Variants in B3GALT2 observed in about 807,000 individuals in gnomAD.
B3GALT2 encodes the protein beta-1,3-galactosyltransferase 2.
In B3GALT2, 13 loss-of-function variants were observed where a neutral mutation model predicts 33.5. The ratio of observed to expected loss-of-function variants is 0.39; its 90% confidence interval spans 0.25 to 0.62. The LOEUF (loss-of-function observed/expected upper bound fraction) is 0.62, where lower values mean the gene tolerates loss of function less well. Among genes scored for constraint, B3GALT2 ranks in the 20% least tolerant of loss-of-function variants. The probability of loss-of-function intolerance (pLI) is 0.53; values close to 1 mark genes in which losing one functional copy is unlikely to be tolerated. For missense variants in B3GALT2, 418 were observed against 509.1 expected, an observed-to-expected ratio of 0.82 and a Z score of 1.72; for synonymous variants, 195 against 172.7, an observed-to-expected ratio of 1.13 and a Z score of -1.01.
chr1:193,180,274 T>G lies in B3GALT2; in HGVS notation c.*20A>C. The G allele has an allele frequency of 6.5e-7, 1 of 1,530,900 alleles. No individual in the cohort carries two copies. Among genetic ancestry groups the G allele is most frequent in the Non-Finnish European group, 8.8e-7 (1 of 1,140,320 alleles). 94.8% of individuals were successfully genotyped at this position (1,530,900 alleles called of 1,614,324 possible). Reference sequence around the variant, plus strand: ...TTAGCAATATTTACAAATTGCACATTTGAAAAAAAATTGTCTTTTCTAATG... The same window carrying G: ...TTAGCAATATTTACAAATTGCACATGTGAAAAAAAATTGTCTTTTCTAATG... On this transcript the variant is annotated 3_prime_UTR_variant, in exon 2 of 2. Coordinates refer to ENST00000367434, the MANE Select transcript of B3GALT2 (RefSeq NM_003783.3).
intron 1 of B3GALT2, 114 bp downstream of exon 1, chr1:193,185,905 T>A (rs1676798557): frequency 6.6e-6 from 1 of 152,168 alleles, no homozygotes; most frequent in Non-Finnish European, 1.5e-5. Flanking sequence ...AGAAACCTTT[T>A]CATAGTTTCA....
chr1:193,185,468 T>C (rs1204525413), intron 1 of B3GALT2, among the ~76,000 whole-genome samples: 2 of 152,218 alleles, frequency 1.3e-5, no homozygotes, highest in East Asian at 3.9e-4. Flanking sequence ...GATACTCTCT[T>C]TGGTTGTGTT....
In B3GALT2 at chr1:193,180,548, A is replaced by G. The variant is rs143140528; in HGVS notation, c.1015T>C (p.Leu339=). ...CAGATCCCTACATATACATCTTCCA[A>G]GTGCAAACGGCGGATACCTAAAGAA... ...KVSLGIRRLH[L]EDVYVGICLA... The change falls in exon 2 of 2, where the codon TTG becomes CTG. Residue 339 remains leucine (L), a synonymous_variant. Coordinates refer to ENST00000367434, the MANE Select transcript of B3GALT2 (RefSeq NM_003783.3). 16 of 1,614,166 alleles carry G rather than the reference A, an allele frequency of 9.9e-6. No homozygotes were observed. In the East Asian group the frequency reaches 2.7e-4, roughly 27 times the overall value.
At chr1:193,183,765 A>G (rs1307014193) in intron 1 of B3GALT2, among the ~76,000 whole-genome samples, 2 of 151,906 alleles carry the variant, frequency 1.3e-5, no homozygotes, top group Non-Finnish European at 2.9e-5. Context: ...AATTTATTTG[A>G]TAATCTGTTC....
Position 193,180,237 on chromosome 1 carries a change from C to G in B3GALT2, c.*57G>C. ...GTCCTACGGATGTAATCAGTTCTAA[C>G]TATACATGCTTTTAGCAATATTTAC... is the stretch of plus-strand genomic sequence containing the variant. On this transcript the variant is annotated 3_prime_UTR_variant, in exon 2 of 2. Coordinates refer to ENST00000367434, the MANE Select transcript of B3GALT2 (RefSeq NM_003783.3). 6.9e-7 allele frequency: 1 copy of G among 1,456,330 alleles called. No homozygotes were observed. Among genetic ancestry groups the G allele is most frequent in the African/African-American group, 1.4e-5 (1 of 70,494 alleles). The allele number at this position is 1,456,330 out of a possible 1,614,324, so 90.2% of individuals were successfully genotyped here.
chr1:193,181,685 A>G lies in B3GALT2; in HGVS notation c.-120-3T>C, dbSNP rs1443696085. ...ACATTGTCTCTCTTGTAGTCATTCT[A>G]TAAAAATGAAGCACAAAAGTTTACA... is the stretch of plus-strand genomic sequence containing the variant. On this transcript the variant is annotated splice_region_variant and splice_polypyrimidine_tract_variant and intron_variant, in intron 1 of 1. Transcript: ENST00000367434. The G allele has an allele frequency of 2.1e-6, 2 of 972,790 alleles. No individual in the cohort carries two copies. The highest frequency in any genetic ancestry group is 1.7e-5 in the African/African-American group (1 of 60,082). 60.3% of individuals were successfully genotyped at this position (972,790 alleles called of 1,614,324 possible). A position where few individuals can be genotyped will look rare whatever the true frequency, so the allele number is the denominator to read the frequency against.
In B3GALT2 at chr1:193,180,654, G is replaced by A. The variant is rs1349540875; in HGVS notation, c.909C>T (p.Tyr303=). 2.5e-6 allele frequency: 4 copies of A among 1,614,090 alleles called. No individual in the cohort carries two copies. The highest frequency in any genetic ancestry group is 1.1e-5 in the South Asian group (1 of 91,072). ...DSKWYMPPDL[Y]PSERYPVFCS... is the part of the protein sequence containing the mutation. ...AGAAGACAGGATAACGCTCACTTGG[G>A]TAGAGGTCTGGTGGCATGTACCACT... Residue 303 remains tyrosine, a synonymous_variant, in exon 2 of 2, where the codon TAC becomes TAT. Transcript: ENST00000367434.
At chr1:193,184,176 T>C (rs1676767011) in intron 1 of B3GALT2, among the ~76,000 whole-genome samples, 1 of 151,896 alleles carries the variant, frequency 6.6e-6, no homozygotes. Context: ...GCTGTTGAGA[T>C]ATTAAATCCA....
chr1:193,181,427 G>A lies in B3GALT2; in HGVS notation c.136C>T (p.His46Tyr). Reference protein sequence around the residue: ...LFAMFLFFNHHDWLPGRAGFK... With the variant: ...LFAMFLFFNHYDWLPGRAGFK... ...CCAGCTCTGCCTGGCAGCCAGTCAT[G>A]ATGATTGAAAAACAAAAACATAGCA... Residue 46 changes from histidine (H) to tyrosine (Y), a missense_variant, in exon 2 of 2, where the codon CAT becomes TAT. His to Tyr is a moderately conservative substitution (Grantham distance 83, BLOSUM62 2). Coordinates refer to ENST00000367434, the MANE Select transcript of B3GALT2 (RefSeq NM_003783.3). The A allele has an allele frequency of 6.2e-7, 1 of 1,614,072 alleles. No homozygotes were observed. The highest frequency in any genetic ancestry group is 8.5e-7 in the Non-Finnish European group (1 of 1,179,940).
At position 193,180,313 on chromosome 1, in the gene B3GALT2, C is replaced by CTAT. The variant is rs771681605; in HGVS notation, c.1249_1250insATA (p.Arg417delinsHisSer). The CTAT allele has an allele frequency of 6.3e-7, 1 of 1,578,780 alleles. No individual in the cohort carries two copies. The highest frequency in any genetic ancestry group is 1.2e-5 in the South Asian group (1 of 85,718). ...TCTTTTCTAATGTAGTTTACGGTGGCGATACCTGCCTGCCTTTTCTTTTGC... is the reference window on the plus strand; with the variant it reads ...TCTTTTCTAATGTAGTTTACGGTGGCTATGATACCTGCCTGCCTTTTCTTTTGC... On this transcript the variant is annotated protein_altering_variant, in exon 2 of 2. Transcript: ENST00000367434.
Position 193,186,105 on chromosome 1 carries a change from A to G in B3GALT2, c.-207T>C, listed in dbSNP as rs906834560. 2.6e-5 allele frequency: 4 copies of G among 153,046 alleles called. No individual in the cohort carries two copies. The highest frequency in any genetic ancestry group is 9.7e-5 in the African/African-American group (4 of 41,428). The allele number at this position is 153,046 out of a possible 1,614,324, so 9.5% of individuals were successfully genotyped here. A position where few individuals can be genotyped will look rare whatever the true frequency, so the allele number is the denominator to read the frequency against. ...CCATCACTTCAGCAAAAAAGATGCT[A>G]TCGAACATGCGCACATCCCCCAACA... On this transcript the variant is annotated 5_prime_UTR_variant, in exon 1 of 2. It removes the in-frame stop codon of an upstream open reading frame in the 5' UTR. Transcript: ENST00000367434.
rs1189122528 is a variant in B3GALT2, at chr1:193,186,003, C to G, written c.-121+16G>C. ...AACACATTTAAATGACTATCATACACAAGATATTGACATACCTTCCTTGGT... is the reference window on the plus strand; with the variant it reads ...AACACATTTAAATGACTATCATACAGAAGATATTGACATACCTTCCTTGGT... On this transcript the variant is annotated intron_variant, in intron 1 of 1. Transcript: ENST00000367434. 1 of 152,272 alleles carries G rather than the reference C, an allele frequency of 6.6e-6. No homozygotes were observed. Among genetic ancestry groups the G allele is most frequent in the Admixed American group, 6.5e-5 (1 of 15,270 alleles). 9.4% of individuals were successfully genotyped at this position (152,272 alleles called of 1,614,324 possible). A position where few individuals can be genotyped will look rare whatever the true frequency, so the allele number is the denominator to read the frequency against.
rs1249288085 is a variant in B3GALT2, at chr1:193,180,208, A to G, written c.*86T>C. The stretch of plus-strand genomic sequence containing the variant: ...CTTTATGTGATGAGTTTTAACTAAA[A>G]CTTGTCCTACGGATGTAATCAGTTC... On this transcript the variant is annotated 3_prime_UTR_variant, in exon 2 of 2. Coordinates refer to ENST00000367434, the MANE Select transcript of B3GALT2 (RefSeq NM_003783.3). 1 of 1,218,702 alleles carries G rather than the reference A, an allele frequency of 8.2e-7. No individual in the cohort carries two copies. Among genetic ancestry groups the G allele is most frequent in the Non-Finnish European group, 1.1e-6 (1 of 905,106 alleles). 75.5% of individuals were successfully genotyped at this position (1,218,702 alleles called of 1,614,324 possible).
Position 193,180,161 on chromosome 1 carries a change from TA to T in B3GALT2, c.*132del. On this transcript the variant is annotated 3_prime_UTR_variant, in exon 2 of 2. Coordinates refer to ENST00000367434, the MANE Select transcript of B3GALT2 (RefSeq NM_003783.3). Reference sequence around the variant, plus strand: ...TTTAAGAATTAACTTCTTCAGAAATTAAAAAAATACTTCTTGAATTTCTTTA... The same window carrying T: ...TTTAAGAATTAACTTCTTCAGAAATTAAAAAATACTTCTTGAATTTCTTTA... 2 of 800,670 alleles carry T rather than the reference TA, an allele frequency of 2.5e-6. No individual in the cohort carries two copies. The highest frequency in any genetic ancestry group is 1.8e-6 in the Non-Finnish European group (1 of 560,050). 49.6% of individuals were successfully genotyped at this position (800,670 alleles called of 1,614,324 possible).
intron 1 of B3GALT2, among the ~76,000 whole-genome samples, chr1:193,184,432 T>G (rs905485312): frequency 1.3e-5 from 2 of 151,938 alleles, no homozygotes; most frequent in Non-Finnish European, 2.9e-5. Flanking sequence ...TTCTGCACTT[T>G]TACATTTTTA....
chr1:193,180,508 C>A lies in B3GALT2; in HGVS notation c.1055G>T (p.Arg352Ile). The A allele has an allele frequency of 6.2e-7, 1 of 1,614,028 alleles. No individual in the cohort carries two copies. The highest frequency in any genetic ancestry group is 8.5e-7 in the Non-Finnish European group (1 of 1,179,916). ...ATTGGGAGGGGGTACAGGATCAATT[C>A]TCAACTTGGCAAGACAGATCCCTAC... ...VYVGICLAKLRIDPVPPPNEF... is the reference protein window; with the variant it reads ...VYVGICLAKLIIDPVPPPNEF... Residue 352 changes from arginine (R) to isoleucine (I), a missense_variant, in exon 2 of 2, where the codon AGA becomes ATA. Around this residue, in one of 3 missense-constraint regions of B3GALT2, gnomAD observed 226 missense variants for 293.9 expected, o/e 0.77. Transcript: ENST00000367434.
chr1:193,184,516 G>A (rs1220082847), intron 1 of B3GALT2, among the ~76,000 whole-genome samples: 1 of 151,832 alleles, frequency 6.6e-6, no homozygotes, highest in Non-Finnish European at 1.5e-5. Flanking sequence ...ATAGCTTGTG[G>A]ATGAAGTTCA....
chr1:193,186,267 C>T lies in B3GALT2; in HGVS notation c.-369G>A, dbSNP rs1676804761. The T allele has an allele frequency of 1.3e-5, 2 of 152,370 alleles. No homozygotes were observed. The highest frequency in any genetic ancestry group is 1.5e-5 in the Non-Finnish European group (1 of 68,036). The allele number at this position is 152,370 out of a possible 1,614,324, so 9.4% of individuals were successfully genotyped here. A position where few individuals can be genotyped will look rare whatever the true frequency, so the allele number is the denominator to read the frequency against. On this transcript the variant is annotated 5_prime_UTR_variant, in exon 1 of 2. Coordinates refer to ENST00000367434, the MANE Select transcript of B3GALT2 (RefSeq NM_003783.3). ...CTTTCATTTTCTCTCTTTCGTTAAA[C>T]AAAAGAGCTGTAGTTGCCCGTTCTG...
intron 1 of B3GALT2, among the ~76,000 whole-genome samples, chr1:193,183,914 T>C (rs7523988): frequency 0.022 from 3,292 of 151,954 alleles, 117 homozygotes; most frequent in African/African-American, 0.076. Flanking sequence ...GTCAGATGTT[T>C]GAATGGATGT....
Sources: allele counts gnomAD v4.1 joint callset (sites outside exome capture counted in the v4.1 genomes callset), GRCh38; gene constraint gnomAD v4.1.1; regional missense constraint gnomAD v4.1.1; transcripts MANE v1.5; gene names NCBI Gene and HGNC (gene_info 2026-07-23, HGNC 2026-07-21).